FLT1: variants seen among roughly 807,000 people sequenced by gnomAD.
FLT1 encodes fms related receptor tyrosine kinase 1, also known as vascular endothelial growth factor receptor 1.
In FLT1, 49 loss-of-function variants were observed where a neutral mutation model predicts 156.3. The observed-to-expected ratio is 0.31, with a 90% confidence interval of 0.25 to 0.40. The LOEUF (loss-of-function observed/expected upper bound fraction) is 0.40, where lower values mean the gene tolerates loss of function less well. Ranked by LOEUF, FLT1 falls within the 10% of genes least tolerant of loss-of-function variation. The pLI is 1.00. For synonymous variants in FLT1, 594 were observed against 583.8 expected, an observed-to-expected ratio of 1.02 and a Z score of -0.25; for missense variants, 1,322 against 1,637.2, an observed-to-expected ratio of 0.81 and a Z score of 3.32.
intron 24 of FLT1, 133 bp downstream of exon 24, chr13:28,319,290 G>A: frequency 1.4e-6 from 1 of 691,042 alleles, no homozygotes; most frequent in Non-Finnish European, 2.6e-6. Context: ...GAGTCTACAT[G>A]GGCCCATTAC....
intron 2 of FLT1, 108 bp from the exon 3 acceptor site, chr13:28,467,237 T>C: frequency 1.2e-6 from 1 of 848,944 alleles, no homozygotes; most frequent in Non-Finnish European, 2.0e-6. Flanking sequence ...CTCTTAAGTG[T>C]AGTCATCTTC....
At chr13:28,386,516 A>C (rs1208009174) in intron 13 of FLT1, 1 of 1,050,076 alleles carries the variant, frequency 9.5e-7, no homozygotes, top group African/African-American at 1.7e-5. Context: ...TCTTCAAACT[A>C]GTGTAGAATG....
At chr13:28,451,799 T>C (rs59060598) in intron 3 of FLT1, among the ~76,000 whole-genome samples, 6,180 of 152,212 alleles carry the variant, frequency 0.041, 397 homozygotes, top group African/African-American at 0.14. Flanking sequence ...AACTCGCGAT[T>C]TGTTATGCAT....
chr13:28,305,335 C>T (rs770462696), intron 29 of FLT1, among the ~76,000 whole-genome samples: 3 of 152,140 alleles, frequency 2.0e-5, no homozygotes, highest in African/African-American at 4.8e-5. Flanking sequence ...GTGATCCTCC[C>T]ACCCCAGCCT....
chr13:28,440,019 C>A (rs1878248402), intron 3 of FLT1, among the ~76,000 whole-genome samples: 1 of 152,160 alleles, frequency 6.6e-6, no homozygotes, highest in Non-Finnish European at 1.5e-5. Context: ...TCACCACAGC[C>A]CATCTTGTGT....
rs531229653 is a variant in FLT1, at chr13:28,399,635, C to G, written c.1552-2567G>C. On this transcript the variant is annotated intron_variant, in intron 11 of 29. Coordinates refer to ENST00000282397, the MANE Select transcript of FLT1 (RefSeq NM_002019.4). ...AAATAGGTCCAAATTTATGTATAAT[C>G]AGAGAATAAAACTGAGGTGCCCCGA... Among the ~76,000 whole-genome samples the G allele has an allele frequency of 3.3e-5, 5 of 152,210 alleles. No individual in the cohort carries two copies. The East Asian group carries it at 9.6e-4, about 29-fold the overall frequency.
At chr13:28,492,659 C>T (rs1350220161) in intron 1 of FLT1, among the ~76,000 whole-genome samples, 2 of 152,174 alleles carry the variant, frequency 1.3e-5, no homozygotes, top group African/African-American at 2.4e-5. Flanking sequence ...TTCATAATGA[C>T]GCAAGAGAAC....
intron 3 of FLT1, among the ~76,000 whole-genome samples, chr13:28,453,012 CCCCCTCCCCCT>C (rs1879042558): frequency 7.1e-5 from 1 of 14,096 alleles, no homozygotes; most frequent in African/African-American, 3.6e-4. Flanking sequence ...TTCCTCCCCT[CCCCCTCCCCCT>C]CCCCTTTCCT....
At chr13:28,387,968 T>G in intron 13 of FLT1, 1 of 1,061,114 alleles carries the variant, frequency 9.4e-7, no homozygotes, top group South Asian at 4.6e-5. Context: ...GGGAAGGAAA[T>G]GGTAGGTTCT....
intron 15 of FLT1, among the ~76,000 whole-genome samples, chr13:28,356,482 G>A (rs1327426633): frequency 6.6e-6 from 1 of 152,176 alleles, no homozygotes; most frequent in Non-Finnish European, 1.5e-5. Flanking sequence ...AAAGGTATTT[G>A]GGGAATGCTA....
chr13:28,367,788 A>T (rs1456674894), intron 14 of FLT1, among the ~76,000 whole-genome samples: 1 of 152,124 alleles, frequency 6.6e-6, no homozygotes, highest in Non-Finnish European at 1.5e-5. Flanking sequence ...TGCTCAGTTG[A>T]CTATATGTAT....
At chr13:28,327,177 GAA>G (rs1287944183) in intron 20 of FLT1, among the ~76,000 whole-genome samples, 1 of 152,216 alleles carries the variant, frequency 6.6e-6, no homozygotes, top group Non-Finnish European at 1.5e-5. Context: ...TATAGGGGGA[GAA>G]AGAGAGAAAG....
chr13:28,416,160 AG>A (rs1876634674), intron 10 of FLT1, among the ~76,000 whole-genome samples: 1 of 152,262 alleles, frequency 6.6e-6, no homozygotes, highest in East Asian at 1.9e-4. Flanking sequence ...CTCCATTTGT[AG>A]ATGAGGAAAC....
intron 3 of FLT1, among the ~76,000 whole-genome samples, chr13:28,461,959 A>C (rs1041089372): frequency 1.3e-5 from 2 of 152,248 alleles, no homozygotes; most frequent in African/African-American, 2.4e-5. Flanking sequence ...AAAATAATCA[A>C]GTAAAGAGAA....
At chr13:28,308,481 C>T (rs550411052) in intron 28 of FLT1, 7 of 336,260 alleles carry the variant, frequency 2.1e-5, no homozygotes, top group East Asian at 7.1e-5. Flanking sequence ...TGCAGGAACG[C>T]GCTCTCTGTT....
chr13:28,422,331 G>A (rs749110938), intron 10 of FLT1, among the ~76,000 whole-genome samples: 1 of 151,934 alleles, frequency 6.6e-6, no homozygotes, highest in Non-Finnish European at 1.5e-5. Context: ...CATGAGTGGG[G>A]AATAACTTAG....
intron 16 of FLT1, among the ~76,000 whole-genome samples, chr13:28,341,121 G>C (rs575012733): frequency 1.3e-5 from 2 of 152,296 alleles, no homozygotes; most frequent in South Asian, 2.1e-4. Context: ...GGGGAGGCTG[G>C]CAGTAGTGTT....
intron 13 of FLT1, among the ~76,000 whole-genome samples, chr13:28,385,351 A>G (rs568825251): frequency 1.4e-3 from 215 of 152,332 alleles, no homozygotes; most frequent in Middle Eastern, 3.4e-3. Context: ...AGGATTTTGC[A>G]TAATAGTTTA....
intron 12 of FLT1, among the ~76,000 whole-genome samples, chr13:28,392,112 T>C (rs1263346010): frequency 6.6e-6 from 1 of 152,238 alleles, no homozygotes; most frequent in South Asian, 2.1e-4. Flanking sequence ...TGCTTGTTTT[T>C]CTGATTTTTC....
Sources: allele counts gnomAD v4.1 joint callset (sites outside exome capture counted in the v4.1 genomes callset), GRCh38; gene constraint gnomAD v4.1.1; transcripts MANE v1.5; gene names NCBI Gene and HGNC (gene_info 2026-07-23, HGNC 2026-07-21).